The following EDA variants were observed in gnomAD, a reference collection of about 807,000 sequenced individuals.
EDA encodes ectodysplasin A.
EDA carries 2 observed loss-of-function variants against 23.6 expected under a neutral mutation model. The ratio of observed to expected loss-of-function variants is 0.08; its 90% confidence interval spans 0.03 to 0.27. The LOEUF (loss-of-function observed/expected upper bound fraction) is 0.27. EDA is among the 10% of genes least tolerant of loss of function. The pLI is 1.00. For synonymous variants in EDA, 131 were observed against 132.0 expected, an observed-to-expected ratio of 0.99 and a Z score of 0.05; for missense variants, 229 against 324.2, an observed-to-expected ratio of 0.71 and a Z score of 2.26.
At chrX:69,751,360 C>A (rs1286083957) in intron 1 of EDA, among the ~76,000 whole-genome samples, 1 of 111,925 alleles carries the variant, frequency 8.9e-6, no homozygotes, top group Non-Finnish European at 1.9e-5. Flanking sequence ...TTTCTGAGGG[C>A]TCTATTCTGT....
intron 1 of EDA, among the ~76,000 whole-genome samples, chrX:69,943,561 G>GA (rs2018792972): frequency 9.0e-6 from 1 of 111,233 alleles, no homozygotes; most frequent in East Asian, 2.8e-4. Flanking sequence ...CTGAGGCTAG[G>GA]AGAGGGGTGA....
At chrX:69,691,539 G>A (rs1223657073) in intron 1 of EDA, among the ~76,000 whole-genome samples, 1 of 111,778 alleles carries the variant, frequency 8.9e-6, no homozygotes, top group Non-Finnish European at 1.9e-5. Context: ...ATGTAAGCAG[G>A]TGAAACATTG....
intron 1 of EDA, among the ~76,000 whole-genome samples, chrX:69,728,002 T>C (rs1221155604): frequency 9.0e-6 from 1 of 111,057 alleles, no homozygotes; most frequent in Non-Finnish European, 1.9e-5. Flanking sequence ...CTCAGCACTT[T>C]GGGAGGCGGA....
chrX:69,616,276 C>T lies in EDA; in HGVS notation c.-33C>T. The T allele has an allele frequency of 1.7e-6, 2 of 1,162,339 alleles. No individual in the cohort carries two copies. The highest frequency in any genetic ancestry group is 5.0e-5 in the Admixed American group (2 of 39,964). ...CGGCTGAGGCAGACGCAGCGGCTCCCGGGCCTCAAGAGAGTGGGTGTCTCC... is the reference window on the plus strand; with the variant it reads ...CGGCTGAGGCAGACGCAGCGGCTCCTGGGCCTCAAGAGAGTGGGTGTCTCC... On this transcript the variant is annotated 5_prime_UTR_variant, in exon 1 of 8. Coordinates refer to ENST00000374552, the MANE Select transcript of EDA (RefSeq NM_001399.5).
intron 1 of EDA, among the ~76,000 whole-genome samples, chrX:69,794,625 G>A (rs1291318615): frequency 1.8e-5 from 2 of 112,446 alleles, no homozygotes; most frequent in Non-Finnish European, 3.7e-5. Flanking sequence ...GAGGACTAGA[G>A]TGAATGCGTG....
At chrX:69,685,115 A>G (rs1262455712) in intron 1 of EDA, among the ~76,000 whole-genome samples, 2 of 112,407 alleles carry the variant, frequency 1.8e-5, no homozygotes, top group Admixed American at 1.9e-4. Context: ...GAAAACTTTC[A>G]TCTTCCTAAA....
At chrX:69,701,213 G>A (rs2804325) in intron 1 of EDA, among the ~76,000 whole-genome samples, 37,234 of 110,555 alleles carry the variant, frequency 0.34, 5,251 homozygotes, top group Middle Eastern at 0.56. Context: ...GGGCACTGTC[G>A]GTCTTCAGTG....
chrX:69,693,751 A>G (rs752619682), intron 1 of EDA, among the ~76,000 whole-genome samples: 1 of 112,077 alleles, frequency 8.9e-6, no homozygotes, highest in Non-Finnish European at 1.9e-5. Flanking sequence ...GTAAAATAGT[A>G]CTTCTATTGC....
intron 1 of EDA, among the ~76,000 whole-genome samples, chrX:69,909,881 T>C (rs987025732): frequency 7.1e-5 from 8 of 111,959 alleles, no homozygotes; most frequent in Admixed American, 1.9e-4. Context: ...TGGATTTATC[T>C]CTTGTCTATA....
At chrX:69,635,789 G>A (rs748345760) in intron 1 of EDA, among the ~76,000 whole-genome samples, 10 of 109,229 alleles carry the variant, frequency 9.2e-5, no homozygotes, top group Non-Finnish European at 1.9e-4. Context: ...GGCTGGACTC[G>A]AACTCCTGAC....
intron 2 of EDA, among the ~76,000 whole-genome samples, chrX:69,987,984 A>G (rs1290535226): frequency 8.9e-6 from 1 of 112,086 alleles, no homozygotes; most frequent in Non-Finnish European, 1.9e-5. Flanking sequence ...AGTATAAGGT[A>G]GGGCTAATTG....
At chrX:69,936,377 G>T (rs1466688018) in intron 1 of EDA, among the ~76,000 whole-genome samples, 1 of 111,258 alleles carries the variant, frequency 9.0e-6, no homozygotes, top group African/African-American at 3.3e-5. Context: ...CCTGAAGGGG[G>T]TAAGACTGGT....
intron 1 of EDA, among the ~76,000 whole-genome samples, chrX:69,695,039 GC>G (rs369977288): frequency 3.0e-3 from 336 of 112,084 alleles, no homozygotes; most frequent in South Asian, 7.4e-3. Context: ...AAAGGTTTTG[GC>G]CTGGCATGGT....
At chrX:69,941,703 C>A (rs2018760421) in intron 1 of EDA, among the ~76,000 whole-genome samples, 2 of 111,166 alleles carry the variant, frequency 1.8e-5, no homozygotes, top group Non-Finnish European at 3.8e-5. Flanking sequence ...GGCAACAGAT[C>A]ATTGGGTCTT....
chrX:69,930,252 G>A (rs887500873), intron 1 of EDA, among the ~76,000 whole-genome samples: 1 of 111,827 alleles, frequency 8.9e-6, no homozygotes. Flanking sequence ...GTCCACCCAC[G>A]TGAATAAGAT....
intron 7 of EDA, among the ~76,000 whole-genome samples, chrX:70,035,115 C>A (rs1172567942): frequency 9.0e-6 from 1 of 111,711 alleles, no homozygotes; most frequent in Admixed American, 9.4e-5. Context: ...ACAGAGTTTG[C>A]GACAAGTGTG....
chrX:69,687,012 A>G (rs1934566011), intron 1 of EDA, among the ~76,000 whole-genome samples: 1 of 111,971 alleles, frequency 8.9e-6, no homozygotes, highest in Non-Finnish European at 1.9e-5. Flanking sequence ...CTGTTTTCCA[A>G]AGTGGCTGCA....
chrX:69,802,677 T>C (rs781329848), intron 1 of EDA, among the ~76,000 whole-genome samples: 1 of 111,007 alleles, frequency 9.0e-6, no homozygotes, highest in East Asian at 2.8e-4. Flanking sequence ...CCAGAGAAAA[T>C]TGGAACAGCT....
chrX:69,951,680 G>T (rs974227049), intron 1 of EDA, among the ~76,000 whole-genome samples: 1 of 111,471 alleles, frequency 9.0e-6, no homozygotes, highest in African/African-American at 3.3e-5. Flanking sequence ...TAATTTTGTG[G>T]GTTTAGATAT....
Sources: gnomAD v4.1 joint callset for allele counts (sites outside exome capture counted in the v4.1 genomes callset) on GRCh38, gnomAD v4.1.1 for gene constraint, MANE v1.5 for transcripts, NCBI Gene and HGNC (gene_info 2026-07-23, HGNC 2026-07-21) for gene names.